Variants in TENM4 observed in about 807,000 individuals in gnomAD.
TENM4 encodes teneurin-4.
TENM4 carries 82 observed loss-of-function variants against 243.3 expected under a neutral mutation model. That is an observed-to-expected ratio of 0.34 (90% CI 0.28 to 0.40). The LOEUF (loss-of-function observed/expected upper bound fraction) is 0.40, where lower values mean the gene tolerates loss of function less well. Ranked by LOEUF, TENM4 falls within the 10% of genes least tolerant of loss-of-function variation. TENM4 has a pLI of 1.00. For synonymous variants in TENM4, 1,412 were observed against 1,456.3 expected (o/e 0.97, Z 0.69); for missense variants, 3,138 against 3,673.3 (o/e 0.85, Z 3.77).
At chr11:78,917,216 AGGT>A (rs1856338173) in intron 6 of TENM4, among the ~76,000 whole-genome samples, 1 of 152,228 alleles carries the variant, frequency 6.6e-6, no homozygotes, top group South Asian at 2.1e-4. Context: ...CAGCTTGCCC[AGGT>A]GGCAGAGCCC....
chr11:78,747,804 A>G (rs1409944176), intron 19 of TENM4, among the ~76,000 whole-genome samples: 1 of 152,218 alleles, frequency 6.6e-6, no homozygotes, highest in Admixed American at 6.5e-5. Flanking sequence ...AAATATTTTA[A>G]CTTCTTATTG....
At chr11:79,317,461 A>C (rs902033272) in intron 1 of TENM4, among the ~76,000 whole-genome samples, 3 of 152,172 alleles carry the variant, frequency 2.0e-5, no homozygotes, top group Admixed American at 6.5e-5. Context: ...ACCCTAAGTT[A>C]GTTGTCATGA....
intron 6 of TENM4, chr11:78,904,030 T>G (rs1318873124): frequency 8.7e-6 from 3 of 344,998 alleles, no homozygotes; most frequent in Non-Finnish European, 1.7e-5. Context: ...TGATTATATA[T>G]GATGGTACAC....
chr11:79,199,219 C>T (rs184883546), intron 3 of TENM4, among the ~76,000 whole-genome samples: 19 of 152,276 alleles, frequency 1.2e-4, no homozygotes, highest in Admixed American at 5.9e-4. Flanking sequence ...TCCTCCTCTC[C>T]AAATTGGAGA....
intron 4 of TENM4, among the ~76,000 whole-genome samples, chr11:79,119,879 T>C (rs1861705680): frequency 6.6e-6 from 1 of 152,120 alleles, no homozygotes; most frequent in African/African-American, 2.4e-5. Flanking sequence ...TGGCTGCAAA[T>C]AGCTCGATAA....
chr11:79,308,601 A>G (rs1332541161), intron 1 of TENM4, among the ~76,000 whole-genome samples: 1 of 152,212 alleles, frequency 6.6e-6, no homozygotes, highest in African/African-American at 2.4e-5. Context: ...ACATGCTCAC[A>G]TTACCAACCT....
chr11:79,426,145 T>C (rs938621103), intron 1 of TENM4, among the ~76,000 whole-genome samples: 1 of 152,206 alleles, frequency 6.6e-6, no homozygotes, highest in Non-Finnish European at 1.5e-5. Context: ...TGTTCATCAG[T>C]GCAGGCAGAT....
chr11:79,005,214 C>A (rs1591200320), intron 6 of TENM4, among the ~76,000 whole-genome samples: 1 of 152,250 alleles, frequency 6.6e-6, no homozygotes, highest in African/African-American at 2.4e-5. Flanking sequence ...CCTACTGAAA[C>A]TATTCCAAAA....
chr11:79,065,715 G>A (rs1006630297), intron 5 of TENM4, among the ~76,000 whole-genome samples: 4 of 152,202 alleles, frequency 2.6e-5, no homozygotes, highest in Admixed American at 2.6e-4. Flanking sequence ...TCCCAAGTGG[G>A]TCTGTGATGG....
intron 6 of TENM4, among the ~76,000 whole-genome samples, chr11:79,043,940 C>A (rs151189595): frequency 6.6e-5 from 10 of 152,248 alleles, no homozygotes; most frequent in Non-Finnish European, 1.3e-4. Flanking sequence ...GGCTCACTGT[C>A]TAGAGGAGGT....
intron 3 of TENM4, among the ~76,000 whole-genome samples, chr11:79,199,417 T>C (rs1394262049): frequency 1.3e-5 from 2 of 152,220 alleles, no homozygotes; most frequent in Non-Finnish European, 2.9e-5. Flanking sequence ...TGTCCCTGAC[T>C]CGGAATGTGA....
chr11:79,249,978 C>T (rs1855582038), intron 2 of TENM4, among the ~76,000 whole-genome samples: 1 of 152,050 alleles, frequency 6.6e-6, no homozygotes, highest in Non-Finnish European at 1.5e-5. Context: ...CTATTTGTGC[C>T]CTGCACTAAT....
intron 3 of TENM4, among the ~76,000 whole-genome samples, chr11:79,163,808 C>T (rs202024737): frequency 8.0e-5 from 6 of 75,240 alleles, no homozygotes; most frequent in African/African-American, 1.6e-4. Context: ...CATATATATA[C>T]ACATATATAT....
At chr11:79,352,806 C>G (rs1176144103) in intron 1 of TENM4, among the ~76,000 whole-genome samples, 1 of 152,096 alleles carries the variant, frequency 6.6e-6, no homozygotes, top group African/African-American at 2.4e-5. Context: ...ATGGGAGACA[C>G]AAAAAGAGAC....
At chr11:78,877,157 C>T (rs2136256939) in intron 9 of TENM4, among the ~76,000 whole-genome samples, 1 of 152,316 alleles carries the variant, frequency 6.6e-6, no homozygotes, top group East Asian at 1.9e-4. Context: ...AAGGATGAAG[C>T]TGTTTAGTTC....
chr11:79,179,252 G>A (rs934486329), intron 3 of TENM4, among the ~76,000 whole-genome samples: 2 of 152,214 alleles, frequency 1.3e-5, no homozygotes, highest in Non-Finnish European at 2.9e-5. Context: ...TATTTAAAGA[G>A]CACAGCAAAC....
chr11:79,315,328 C>T (rs966181304), intron 1 of TENM4, among the ~76,000 whole-genome samples: 4 of 152,158 alleles, frequency 2.6e-5, no homozygotes, highest in African/African-American at 4.8e-5. Context: ...AGAGGTTCAC[C>T]GCTCAAGACC....
intron 25 of TENM4, among the ~76,000 whole-genome samples, chr11:78,717,713 A>C (rs1039941219): frequency 3.3e-5 from 5 of 152,270 alleles, no homozygotes; most frequent in African/African-American, 9.6e-5. Flanking sequence ...TTTGGTGCAC[A>C]GTGGAAACAC....
At chr11:79,050,078 G>A (rs1273256421) in intron 6 of TENM4, among the ~76,000 whole-genome samples, 1 of 152,196 alleles carries the variant, frequency 6.6e-6, no homozygotes, top group African/African-American at 2.4e-5. Context: ...GCCACTGTCA[G>A]CATTTAAAGC....
Sources: allele counts gnomAD v4.1 joint callset (sites outside exome capture counted in the v4.1 genomes callset), GRCh38; gene constraint gnomAD v4.1.1; transcripts MANE v1.5; gene names NCBI Gene and HGNC (gene_info 2026-07-23, HGNC 2026-07-21).